The following C11orf65 variants were observed in gnomAD, a reference collection of about 807,000 sequenced individuals.
C11orf65 encodes the protein protein MFI.
Under a neutral mutation model 35.3 loss-of-function variants are expected in C11orf65, and 38 were observed. The ratio of observed to expected loss-of-function variants is 1.08; its 90% confidence interval spans 0.83 to 1.41. C11orf65 has a LOEUF of 1.41. Among genes scored for constraint, C11orf65 ranks in the 40% most tolerant of loss-of-function variants. C11orf65 has a pLI of 0.00. For missense variants in C11orf65, 370 were observed against 367.1 expected (o/e 1.01, Z -0.06); for synonymous variants, 105 against 114.4 (o/e 0.92, Z 0.53).
At chr11:108,308,996 A>T in exon 7 of C11orf65, 1 of 1,527,524 alleles carries the variant, frequency 6.5e-7, no homozygotes. Context: ...AATGGTGTTG[A>T]CATTAGCAGG....
chr11:108,396,559 C>T (rs541005461), intron 6 of C11orf65, among the ~76,000 whole-genome samples: 153 of 151,972 alleles, frequency 1.0e-3, no homozygotes, highest in Non-Finnish European at 1.5e-3. Context: ...TGGCCGGTTG[C>T]GGTGGCTTAT....
At chr11:108,409,855 T>G (rs1293095101) in intron 3 of C11orf65, among the ~76,000 whole-genome samples, 1 of 152,206 alleles carries the variant, frequency 6.6e-6, no homozygotes, top group African/African-American at 2.4e-5. Context: ...AATGCCTTGA[T>G]GATCTGCGGT....
chr11:108,353,942 A>C lies in C11orf65; in HGVS notation c.227-18650T>G, dbSNP rs2089539870. ...GATGTCAAAATTACATGGGCTGGGC[A>C]TGGTTCTTTGCACCTGTAATCCCAG... is the stretch of plus-strand genomic sequence containing the variant. On this transcript the variant is annotated intron_variant, in intron 2 of 3. Transcript: ENST00000524755. 12 of 1,488,984 alleles carry C rather than the reference A, an allele frequency of 8.1e-6. No individual in the cohort carries two copies. In the South Asian group the frequency reaches 1.4e-4, roughly 17 times the overall value. 92.2% of individuals were successfully genotyped at this position (1,488,984 alleles called of 1,614,324 possible).
rs1131691391 is a variant in C11orf65, at chr11:108,365,450, A to T, written c.226+27758T>A. 1.2e-6 allele frequency: 2 copies of T among 1,614,244 alleles called. No individual in the cohort carries two copies. The highest frequency in any genetic ancestry group is 1.7e-6 in the Non-Finnish European group (2 of 1,180,050). On this transcript the variant is annotated intron_variant, in intron 2 of 3. Coordinates refer to the C11orf65 transcript ENST00000524755. The stretch of plus-strand genomic sequence containing the variant: ...GGACAAGTGAATTTGCTCATACAGC[A>T]GGCCATAGACCCCAAAAATCTCAGC...
At chr11:108,436,361 A>T (rs1168516262) in intron 2 of C11orf65, among the ~76,000 whole-genome samples, 2 of 152,198 alleles carry the variant, frequency 1.3e-5, no homozygotes, top group African/African-American at 4.8e-5. Context: ...GGAAATTAAT[A>T]CAAGTACTTA....
At chr11:108,421,187 C>G (rs1386208349) in intron 3 of C11orf65, among the ~76,000 whole-genome samples, 1 of 152,100 alleles carries the variant, frequency 6.6e-6, no homozygotes, top group Non-Finnish European at 1.5e-5. Flanking sequence ...TTCATTCTAC[C>G]TAGATTTTTA....
At chr11:108,465,145 C>T (rs929945398) in intron 1 of C11orf65, among the ~76,000 whole-genome samples, 41 of 152,112 alleles carry the variant, frequency 2.7e-4, no homozygotes, top group Non-Finnish European at 1.0e-4. Context: ...AAATACATTC[C>T]CAATTTTGTA....
chr11:108,378,151 C>A (rs534923703), downstream of C11orf65, among the ~76,000 whole-genome samples: 63 of 150,090 alleles, frequency 4.2e-4, no homozygotes, highest in African/African-American at 1.5e-3. Flanking sequence ...CATATGGAAC[C>A]AAAAAGGGCC....
At chr11:108,344,589 A>G (rs2088056323) in intron 2 of C11orf65, among the ~76,000 whole-genome samples, 1 of 152,160 alleles carries the variant, frequency 6.6e-6, no homozygotes, top group Non-Finnish European at 1.5e-5. Context: ...ATTTTTGAGA[A>G]TGCAAACTGG....
Position 108,407,083 on chromosome 11 carries a change from C to A in C11orf65, c.228+13G>T, listed in dbSNP as rs369019366. ...GCTTTATAACTACTAAATAAGCATT[C>A]ATCCATACTTACTCCACCTAATCTG... is the stretch of plus-strand genomic sequence containing the variant. On this transcript the variant is annotated intron_variant, in intron 4 of 8. Coordinates refer to ENST00000393084, the MANE Select transcript of C11orf65 (RefSeq NM_152587.5). 4 of 1,604,824 alleles carry A rather than the reference C, an allele frequency of 2.5e-6. No individual in the cohort carries two copies. The highest frequency in any genetic ancestry group is 3.4e-6 in the Non-Finnish European group (4 of 1,172,418).
chr11:108,354,233 C>G (rs1169239577), intron 2 of C11orf65, among the ~76,000 whole-genome samples: 2 of 152,234 alleles, frequency 1.3e-5, no homozygotes, highest in East Asian at 3.9e-4. Context: ...CACCTGGGAC[C>G]TAAGCCCATG....
chr11:108,338,123 C>T (rs1052779512), intron 2 of C11orf65, among the ~76,000 whole-genome samples: 2 of 152,176 alleles, frequency 1.3e-5, no homozygotes, highest in Non-Finnish European at 2.9e-5. Context: ...CCGAGGTGGG[C>T]GGATCACTTG....
intron 3 of C11orf65, chr11:108,331,858 C>T (rs2136512963): frequency 6.2e-7 from 1 of 1,611,014 alleles, no homozygotes; most frequent in East Asian, 2.2e-5. Context: ...TTGCATAAAT[C>T]TAATAGTTCT....
intron 2 of C11orf65, among the ~76,000 whole-genome samples, chr11:108,458,355 CAA>C (rs755107073): frequency 2.2e-4 from 8 of 35,858 alleles, no homozygotes; most frequent in South Asian, 1.1e-3. Context: ...GACTCTGTCT[CAA>C]AAAAAAAAAA....
intron 2 of C11orf65, chr11:108,365,734 C>T: frequency 1.7e-6 from 1 of 605,954 alleles, no homozygotes; most frequent in East Asian, 3.2e-5. Flanking sequence ...GTCATTCGGG[C>T]TGGGCGCAGC....
rs182434316 is a variant in C11orf65, at chr11:108,402,998, C to T, written c.560+2431G>A. Among the ~76,000 whole-genome samples, 182 of 152,254 alleles carry T rather than the reference C, an allele frequency of 1.2e-3. 1 individual carries two copies. Among genetic ancestry groups the T allele is most frequent in the Non-Finnish European group, 2.0e-3 (138 of 68,020 alleles). ...ATTCACCTGCTGATGCAAATTTGTG[C>T]TGTTTCTGGTTTTTCGCAATTAAAA... is the stretch of plus-strand genomic sequence containing the variant. On this transcript the variant is annotated intron_variant, in intron 6 of 8. Transcript: ENST00000393084.
intron 6 of C11orf65, among the ~76,000 whole-genome samples, chr11:108,404,899 G>C (rs773964166): frequency 2.8e-4 from 42 of 152,160 alleles, no homozygotes; most frequent in Non-Finnish European, 4.6e-4. Context: ...TATTAGTTAT[G>C]ATGGCCACAA....
intron 6 of C11orf65, chr11:108,317,240 A>G: frequency 1.1e-6 from 1 of 884,238 alleles, no homozygotes; most frequent in Non-Finnish European, 1.7e-6. Context: ...CACCCAGCTG[A>G]TATTTTGGGA....
chr11:108,340,343 G>A (rs1048694319), intron 2 of C11orf65: 2 of 152,112 alleles, frequency 1.3e-5, no homozygotes, highest in African/African-American at 2.4e-5. Context: ...CATTTCATCT[G>A]TAAACATTTC....
Sources: allele counts gnomAD v4.1 joint callset (sites outside exome capture counted in the v4.1 genomes callset), GRCh38; gene constraint gnomAD v4.1.1; transcripts MANE v1.5; gene names NCBI Gene and HGNC (gene_info 2026-07-23, HGNC 2026-07-21).